Variants in MARK3 observed in about 807,000 individuals in gnomAD.
MARK3 encodes MAP/microtubule affinity-regulating kinase 3.
A neutral mutation model predicts 90.1 loss-of-function variants in MARK3; 46 were observed. The ratio of observed to expected loss-of-function variants is 0.51; its 90% CI spans 0.40 to 0.65. The LOEUF is 0.65. Among genes scored for constraint, MARK3 ranks in the 30% least tolerant of loss-of-function variants. MARK3 has a pLI of 0.00. For synonymous variants in MARK3, 321 were observed against 332.6 expected (o/e 0.97, Z 0.38); for missense variants, 818 against 947.2 (o/e 0.86, Z 1.79).
At chr14:103,439,796 G>GT (rs1183835636) in intron 3 of MARK3, among the ~76,000 whole-genome samples, 1 of 151,210 alleles carries the variant, frequency 6.6e-6, no homozygotes, top group African/African-American at 2.4e-5. Context: ...CCTTTTTTTT[G>GT]TTTTTTTGAG....
intron 2 of MARK3, among the ~76,000 whole-genome samples, chr14:103,406,068 A>AT (rs1050711712): frequency 1.3e-5 from 2 of 150,064 alleles, no homozygotes; most frequent in African/African-American, 4.9e-5. Flanking sequence ...TGTTTAAAAA[A>AT]TTTTTTTGTA....
At chr14:103,456,015 C>A (rs775375953) in intron 5 of MARK3, among the ~76,000 whole-genome samples, 21 of 152,114 alleles carry the variant, frequency 1.4e-4, no homozygotes, top group Non-Finnish European at 1.0e-4. Context: ...GGTGGTGATT[C>A]TTTATTCTAC....
chr14:103,410,720 G>A (rs2091579590), intron 2 of MARK3, among the ~76,000 whole-genome samples: 1 of 151,742 alleles, frequency 6.6e-6, no homozygotes, highest in African/African-American at 2.4e-5. Context: ...AATAAAACAA[G>A]TTTCCTGTTT....
chr14:103,452,138 C>T, intron 5 of MARK3, 155 bp downstream of exon 5: 2 of 536,296 alleles, frequency 3.7e-6, no homozygotes, highest in Non-Finnish European at 6.6e-6. Flanking sequence ...ACTCTTAGCA[C>T]TTCTAGGGGT....
intron 3 of MARK3, among the ~76,000 whole-genome samples, chr14:103,435,206 C>T (rs1480398715): frequency 2.0e-5 from 3 of 152,098 alleles, no homozygotes; most frequent in Non-Finnish European, 4.4e-5. Flanking sequence ...ACTTTTCAAC[C>T]CTTCTTGTGC....
intron 2 of MARK3, among the ~76,000 whole-genome samples, chr14:103,409,499 TG>T (rs2091511389): frequency 1.4e-5 from 2 of 144,054 alleles, no homozygotes; most frequent in Non-Finnish European, 3.1e-5. Context: ...TTTACTCTTG[TG>T]GGGTTTTTTT....
intron 4 of MARK3, among the ~76,000 whole-genome samples, chr14:103,449,518 A>T (rs1236845301): frequency 6.6e-6 from 1 of 152,034 alleles, no homozygotes; most frequent in African/African-American, 2.4e-5. Flanking sequence ...GAAAATACTT[A>T]TTTGAAAGAT....
chr14:103,439,626 C>G (rs1849298736), intron 3 of MARK3, among the ~76,000 whole-genome samples: 1 of 151,990 alleles, frequency 6.6e-6, no homozygotes, highest in Non-Finnish European at 1.5e-5. Flanking sequence ...CCAGGCCGGT[C>G]TTGAACTCCT....
chr14:103,457,868 T>C (rs2141430410), intron 6 of MARK3, among the ~76,000 whole-genome samples: 1 of 152,340 alleles, frequency 6.6e-6, no homozygotes, highest in Middle Eastern at 3.4e-3. Flanking sequence ...ATGGGAAGAT[T>C]AAATAACTTG....
intron 6 of MARK3, among the ~76,000 whole-genome samples, chr14:103,458,985 A>G (rs1321649893): frequency 1.3e-5 from 2 of 152,194 alleles, no homozygotes; most frequent in Non-Finnish European, 2.9e-5. Context: ...TGAATTCCAT[A>G]GTTCTTTGCA....
intron 2 of MARK3, among the ~76,000 whole-genome samples, chr14:103,414,948 T>G (rs1426165107): frequency 4.6e-5 from 7 of 151,142 alleles, no homozygotes; most frequent in Admixed American, 4.6e-4. Flanking sequence ...GGTCAGGAGT[T>G]TGGGACCAGC....
intron 2 of MARK3, chr14:103,412,606 G>T: frequency 1.0e-6 from 1 of 971,972 alleles, no homozygotes; most frequent in East Asian, 3.6e-5. Context: ...TAAGCCTGAC[G>T]GTGCCCGAGA....
intron 2 of MARK3, among the ~76,000 whole-genome samples, chr14:103,410,510 A>G (rs1267283931): frequency 2.0e-5 from 3 of 152,238 alleles, no homozygotes; most frequent in East Asian, 1.9e-4. Context: ...TGATCTTTTT[A>G]TATATTTTTG....
intron 1 of MARK3, among the ~76,000 whole-genome samples, chr14:103,398,399 T>C (rs1566766448): frequency 6.6e-6 from 1 of 152,238 alleles, no homozygotes; most frequent in Non-Finnish European, 1.5e-5. Context: ...TGGTTTTAAC[T>C]TGTATTTCTC....
At chr14:103,438,013 T>TG (rs1566842113) in intron 3 of MARK3, among the ~76,000 whole-genome samples, 1 of 151,910 alleles carries the variant, frequency 6.6e-6, no homozygotes, top group African/African-American at 2.4e-5. Context: ...TCTTTTTTTT[T>TG]CTTTGAGACA....
intron 6 of MARK3, chr14:103,458,829 C>A: frequency 1.6e-6 from 1 of 624,864 alleles, no homozygotes; most frequent in Non-Finnish European, 2.9e-6. Context: ...TTCTTATAAA[C>A]GTTGCTTATA....
At chr14:103,455,911 T>G (rs2093267817) in intron 5 of MARK3, among the ~76,000 whole-genome samples, 1 of 152,220 alleles carries the variant, frequency 6.6e-6, no homozygotes. Context: ...ACTAAGCTGA[T>G]GGAGGTATTC....
chr14:103,420,195 A>G (rs1343764690), intron 2 of MARK3, among the ~76,000 whole-genome samples: 1 of 152,094 alleles, frequency 6.6e-6, no homozygotes, highest in Non-Finnish European at 1.5e-5. Context: ...CCTAATCCCT[A>G]TATATAAAAA....
chr14:103,386,985 C>T (rs2089858187), intron 1 of MARK3, among the ~76,000 whole-genome samples: 1 of 152,216 alleles, frequency 6.6e-6, no homozygotes, highest in African/African-American at 2.4e-5. Flanking sequence ...CTGTTCTCCT[C>T]TAACACTGGG....
Sources: gnomAD v4.1 joint callset for allele counts (sites outside exome capture counted in the v4.1 genomes callset) on GRCh38, gnomAD v4.1.1 for gene constraint, MANE v1.5 for transcripts, NCBI Gene and HGNC (gene_info 2026-07-23, HGNC 2026-07-21) for gene names.